Variants in ZCCHC17 observed in about 807,000 individuals in gnomAD.
ZCCHC17 encodes zinc finger CCHC domain-containing protein 17.
ZCCHC17 carries 18 observed loss-of-function variants against 30.6 expected under a neutral mutation model. The ratio of observed to expected loss-of-function variants is 0.59; its 90% confidence interval spans 0.41 to 0.87. The LOEUF is 0.87. Ranked by LOEUF, ZCCHC17 falls within the 40% of genes least tolerant of loss-of-function variation. The probability of loss-of-function intolerance (pLI) is 0.00; values close to 1 mark genes in which losing one functional copy is unlikely to be tolerated. For missense variants in ZCCHC17, 263 were observed against 284.2 expected (o/e 0.93, Z 0.54); for synonymous variants, 88 against 92.4 (o/e 0.95, Z 0.27).
intron 5 of ZCCHC17, among the ~76,000 whole-genome samples, chr1:31,341,169 T>G (rs1639034085): frequency 6.6e-6 from 1 of 152,206 alleles, no homozygotes; most frequent in African/African-American, 2.4e-5. Flanking sequence ...TTACAGAACT[T>G]TTCATATTTC....
intron 3 of ZCCHC17, among the ~76,000 whole-genome samples, chr1:31,328,937 CAG>C (rs1365568020): frequency 1.3e-5 from 2 of 151,998 alleles, no homozygotes; most frequent in African/African-American, 4.8e-5. Context: ...GAGACTGAGA[CAG>C]GGGGATCAGT....
chr1:31,315,037 G>A (rs567173768), intron 2 of ZCCHC17, among the ~76,000 whole-genome samples: 1 of 152,262 alleles, frequency 6.6e-6, no homozygotes, highest in East Asian at 1.9e-4. Flanking sequence ...ACAGTCATTT[G>A]TTGGTACAAC....
intron 3 of ZCCHC17, among the ~76,000 whole-genome samples, chr1:31,326,573 A>G (rs893314208): frequency 6.6e-6 from 1 of 152,152 alleles, no homozygotes; most frequent in African/African-American, 2.4e-5. Flanking sequence ...GTCCCATTCT[A>G]ATTTGGGCAT....
intron 3 of ZCCHC17, among the ~76,000 whole-genome samples, chr1:31,319,912 A>G (rs940507766): frequency 1.3e-5 from 2 of 152,220 alleles, no homozygotes; most frequent in Admixed American, 6.5e-5. Flanking sequence ...AAGAAAATCT[A>G]GAAGAATATT....
intron 3 of ZCCHC17, among the ~76,000 whole-genome samples, chr1:31,334,782 TC>T (rs1418102042): frequency 6.6e-6 from 1 of 152,220 alleles, no homozygotes. Flanking sequence ...TGTTTAAAAA[TC>T]TTTTGAATGG....
intron 1 of ZCCHC17, among the ~76,000 whole-genome samples, chr1:31,301,745 C>CT (rs1355857100): frequency 6.6e-6 from 1 of 152,212 alleles, no homozygotes; most frequent in East Asian, 1.9e-4. Context: ...TCCATAATTC[C>CT]TTTAAGTTTT....
intron 5 of ZCCHC17, among the ~76,000 whole-genome samples, chr1:31,343,982 G>A (rs1343175209): frequency 1.3e-5 from 2 of 150,694 alleles, no homozygotes; most frequent in African/African-American, 4.9e-5. Flanking sequence ...AGCCTCCCGA[G>A]TAGCTGGGAT....
chr1:31,298,097 T>C (rs6679393), intron 1 of ZCCHC17, among the ~76,000 whole-genome samples: 82,574 of 152,054 alleles, frequency 0.54, 23,329 homozygotes, highest in Non-Finnish European at 0.62. Context: ...CCCTAGTCGA[T>C]GTATGTGGAC....
intron 1 of ZCCHC17, 62 bp from the exon 2 acceptor site, chr1:31,309,982 C>T (rs1236375313): frequency 2.2e-6 from 2 of 890,606 alleles, no homozygotes; most frequent in Non-Finnish European, 3.6e-6. Context: ...TGTGGATTGT[C>T]TGCATATTCA....
At chr1:31,314,347 G>A (rs1240185903) in intron 2 of ZCCHC17, among the ~76,000 whole-genome samples, 1 of 149,384 alleles carries the variant, frequency 6.7e-6, no homozygotes, top group African/African-American at 2.5e-5. Context: ...AGAGAAATAC[G>A]ATAAATTGGA....
chr1:31,301,678 T>A (rs1317368525), intron 1 of ZCCHC17, among the ~76,000 whole-genome samples: 1 of 152,208 alleles, frequency 6.6e-6, no homozygotes, highest in Non-Finnish European at 1.5e-5. Flanking sequence ...GTGAGCAGCC[T>A]TTGTCAAATC....
At chr1:31,343,430 T>C (rs1639120302) in intron 5 of ZCCHC17, among the ~76,000 whole-genome samples, 2 of 152,216 alleles carry the variant, frequency 1.3e-5, no homozygotes, top group Admixed American at 6.5e-5. Flanking sequence ...GGAATCCCAT[T>C]GTCTGGCCTT....
chr1:31,325,084 A>C (rs904296198), intron 3 of ZCCHC17, among the ~76,000 whole-genome samples: 31 of 152,258 alleles, frequency 2.0e-4, no homozygotes, highest in Non-Finnish European at 1.5e-4. Context: ...GGTTACCCAC[A>C]CTGGGTCTCC....
At chr1:31,310,823 C>A (rs1262544206) in intron 2 of ZCCHC17, among the ~76,000 whole-genome samples, 2 of 152,212 alleles carry the variant, frequency 1.3e-5, no homozygotes, top group African/African-American at 4.8e-5. Context: ...GAACCACTAT[C>A]CTGCAGGTTC....
At chr1:31,349,167 C>G (rs1361522955) in intron 7 of ZCCHC17, among the ~76,000 whole-genome samples, 193 bp downstream of exon 7, 1 of 151,758 alleles carries the variant, frequency 6.6e-6, no homozygotes, top group Non-Finnish European at 1.5e-5. Flanking sequence ...CTGCATTCCA[C>G]TCTGAACAAC....
At chr1:31,339,090 C>G in intron 5 of ZCCHC17, 42 bp downstream of exon 5, 1 of 1,459,686 alleles carries the variant, frequency 6.9e-7, no homozygotes, top group South Asian at 1.2e-5. Flanking sequence ...TTCTGCCTCC[C>G]AAATCATAAA....
At chr1:31,337,071 T>C in intron 3 of ZCCHC17, 104 bp from the exon 4 acceptor site, 1 of 1,067,644 alleles carries the variant, frequency 9.4e-7, no homozygotes, top group Non-Finnish European at 1.3e-6. Flanking sequence ...GTAAAAATTT[T>C]CATTTTTCCC....
chr1:31,342,670 T>A (rs1351552346), intron 5 of ZCCHC17, among the ~76,000 whole-genome samples: 3 of 152,226 alleles, frequency 2.0e-5, no homozygotes, highest in Non-Finnish European at 4.4e-5. Context: ...GTAATGCTCC[T>A]TCACCTGCTG....
chr1:31,331,426 G>A (rs1471246237), intron 3 of ZCCHC17, among the ~76,000 whole-genome samples: 2 of 152,012 alleles, frequency 1.3e-5, no homozygotes, highest in Non-Finnish European at 2.9e-5. Flanking sequence ...GATTACAGGC[G>A]TGAGCCAGCG....
Sources: allele counts gnomAD v4.1 joint callset (sites outside exome capture counted in the v4.1 genomes callset), GRCh38; gene constraint gnomAD v4.1.1; transcripts MANE v1.5; gene names NCBI Gene and HGNC (gene_info 2026-07-23, HGNC 2026-07-21).